GRIA2: variants seen among roughly 807,000 people sequenced by gnomAD.
GRIA2 encodes the protein glutamate ionotropic receptor AMPA type subunit 2, also known as glutamate receptor 2.
Under a neutral mutation model 97.3 loss-of-function variants are expected in GRIA2, and 14 were observed. The observed-to-expected ratio is 0.14, with a 90% confidence interval of 0.10 to 0.23. GRIA2 has a LOEUF of 0.23. GRIA2 is among the 10% of genes least tolerant of loss of function. The probability of loss-of-function intolerance (pLI) is 1.00; values close to 1 mark genes in which losing one functional copy is unlikely to be tolerated. For missense variants in GRIA2, 558 were observed against 1,069.8 expected, an observed-to-expected ratio of 0.52 and a Z score of 6.67; for synonymous variants, 412 against 387.8, an observed-to-expected ratio of 1.06 and a Z score of -0.73.
At chr4:157,301,020 A>G (rs1733592310) in intron 2 of GRIA2, among the ~76,000 whole-genome samples, 1 of 152,212 alleles carries the variant, frequency 6.6e-6, no homozygotes, top group African/African-American at 2.4e-5. Flanking sequence ...TTCACTTAAG[A>G]TGAGAAGAGG....
intron 2 of GRIA2, among the ~76,000 whole-genome samples, chr4:157,277,890 GTA>G (rs559433961): frequency 3.3e-3 from 252 of 75,310 alleles, no homozygotes; most frequent in African/African-American, 4.6e-3. Flanking sequence ...ATGTATATAT[GTA>G]TATATATATG....
intron 2 of GRIA2, among the ~76,000 whole-genome samples, chr4:157,255,972 T>A (rs995884012): frequency 1.3e-5 from 2 of 150,914 alleles, no homozygotes; most frequent in Non-Finnish European, 3.0e-5. Flanking sequence ...TTCGTACATG[T>A]AGTTTTATAT....
chr4:157,321,423 G>T lies in GRIA2; in HGVS notation c.721-15G>T. On this transcript the variant is annotated splice_polypyrimidine_tract_variant and intron_variant, in intron 5 of 15. Transcript: ENST00000264426. ...CTCAAACAAAAAGCGTGATATCAAT[G>T]TGTTCTATGTTTAGGGATTTACTGA... is the stretch of plus-strand genomic sequence containing the variant. The T allele has an allele frequency of 1.3e-6, 2 of 1,579,380 alleles. No individual in the cohort carries two copies. The highest frequency in any genetic ancestry group is 1.7e-6 in the Non-Finnish European group (2 of 1,159,292).
chr4:157,361,689 C>T lies in GRIA2; in HGVS notation c.2406+565C>T, dbSNP rs1002818033. ...CAGGTTTTATGTGAAAAAACAAAAT[C>T]AAACACAAACAGCAAAATCAAACCA... On this transcript the variant is annotated intron_variant, in intron 14 of 15. Transcript: ENST00000264426. This position sits in a 1 kb window ranked among gnomAD's most constrained non-coding sequence, Gnocchi z 5.2. 1.4e-6 allele frequency: 2 copies of T among 1,398,938 alleles called. No individual in the cohort carries two copies. Among genetic ancestry groups the T allele is most frequent in the Non-Finnish European group, 2.0e-6 (2 of 986,202 alleles). 86.7% of individuals were successfully genotyped at this position (1,398,938 alleles called of 1,614,324 possible).
chr4:157,302,289 T>A (rs1733650795), intron 2 of GRIA2, among the ~76,000 whole-genome samples: 1 of 152,092 alleles, frequency 6.6e-6, no homozygotes, highest in African/African-American at 2.4e-5. Flanking sequence ...TTGGACAAAG[T>A]AACCCTTTTT....
intron 2 of GRIA2, among the ~76,000 whole-genome samples, chr4:157,258,107 C>T (rs1049727174): frequency 2.0e-5 from 3 of 151,968 alleles, no homozygotes; most frequent in Non-Finnish European, 4.4e-5. Flanking sequence ...GTGATGATTG[C>T]GTTAACTACA....
Position 157,361,250 on chromosome 4 carries a change from C to A in GRIA2, c.2406+126C>A. 2.8e-6 allele frequency: 2 copies of A among 704,280 alleles called. No homozygotes were observed. The highest frequency in any genetic ancestry group is 1.9e-5 in the South Asian group (1 of 53,070). The allele number at this position is 704,280 out of a possible 1,614,324, so 43.6% of individuals were successfully genotyped here. A position where few individuals can be genotyped will look rare whatever the true frequency, so the allele number is the denominator to read the frequency against. On this transcript the variant is annotated intron_variant, in intron 14 of 15. Transcript: ENST00000264426. The surrounding 1 kb of genome is among the most constrained non-coding windows in gnomAD (Gnocchi z 5.2). ...TAAGCTGAAGAGTGCAATTGGATGA[C>A]CAGGACACTTGACTTCTTCTTTCTT...
At chr4:157,335,944 T>C (rs1735265218) in intron 10 of GRIA2, 67 bp downstream of exon 10, 3 of 998,752 alleles carry the variant, frequency 3.0e-6, no homozygotes, top group Non-Finnish European at 4.7e-6. Context: ...CTGCTTCCTC[T>C]CCCTGTGAAG....
chr4:157,304,545 G>T, intron 3 of GRIA2, among the ~76,000 whole-genome samples: 1 of 152,044 alleles, frequency 6.6e-6, no homozygotes, highest in Non-Finnish European at 1.5e-5. Context: ...GGTGTCAGTG[G>T]GTTTGTGTAC....
chr4:157,256,984 G>C (rs966656281), intron 2 of GRIA2, among the ~76,000 whole-genome samples: 10 of 151,920 alleles, frequency 6.6e-5, no homozygotes, highest in African/African-American at 2.4e-4. Flanking sequence ...TATTTGGAAA[G>C]CATTATTTTT....
At chr4:157,286,213 T>C (rs1478051100) in intron 2 of GRIA2, among the ~76,000 whole-genome samples, 1 of 151,574 alleles carries the variant, frequency 6.6e-6, no homozygotes, top group Non-Finnish European at 1.5e-5. Flanking sequence ...CCCAAAGTCA[T>C]ACAGCTGTTA....
rs1735541959 is a variant in GRIA2, at chr4:157,341,429, A to G, written c.2010A>G (p.Thr670=). ...LSKQTEIAYG[T]LDSGSTKEFF... ...AGCAAACAGAAATTGCTTATGGAACATTAGACTCTGGCTCCACTAAAGAGT... is the reference window on the plus strand; with the variant it reads ...AGCAAACAGAAATTGCTTATGGAACGTTAGACTCTGGCTCCACTAAAGAGT... The change falls in exon 12 of 16, where the codon ACA becomes ACG. Residue 670 remains threonine, a synonymous_variant. Transcript: ENST00000264426. The G allele has an allele frequency of 3.1e-6, 5 of 1,612,072 alleles. No individual in the cohort carries two copies. The highest frequency in any genetic ancestry group is 1.1e-5 in the South Asian group (1 of 91,060).
At chr4:157,337,901 A>G (rs1735359260) in intron 11 of GRIA2, among the ~76,000 whole-genome samples, 1 of 150,306 alleles carries the variant, frequency 6.7e-6, no homozygotes, top group African/African-American at 2.4e-5. Flanking sequence ...CAGATTTTAA[A>G]AATTTCAGTT....
chr4:157,287,549 T>C (rs1485824480), intron 2 of GRIA2, among the ~76,000 whole-genome samples: 1 of 151,734 alleles, frequency 6.6e-6, no homozygotes, highest in African/African-American at 2.4e-5. Flanking sequence ...TGCTTAGTGA[T>C]TAGAGTTAAA....
At chr4:157,296,610 C>G (rs1378874823) in intron 2 of GRIA2, among the ~76,000 whole-genome samples, 1 of 151,784 alleles carries the variant, frequency 6.6e-6, no homozygotes, top group Non-Finnish European at 1.5e-5. Context: ...ATTAATAGCC[C>G]CATTCAATAG....
chr4:157,350,349 C>T (rs957193728), intron 12 of GRIA2, among the ~76,000 whole-genome samples: 1 of 152,008 alleles, frequency 6.6e-6, no homozygotes, highest in African/African-American at 2.4e-5. Context: ...CCATGTTAGT[C>T]TTACAGTGCG....
At chr4:157,342,124 A>G (rs1192436574) in intron 12 of GRIA2, 1 of 974,128 alleles carries the variant, frequency 1.0e-6, no homozygotes, top group Non-Finnish European at 1.2e-6. Context: ...TGTATAAAAC[A>G]ACTCTTTCTA....
At chr4:157,306,282 T>C (rs1315103515) in intron 3 of GRIA2, among the ~76,000 whole-genome samples, 4 of 152,036 alleles carry the variant, frequency 2.6e-5, no homozygotes, top group Non-Finnish European at 5.9e-5. Context: ...GAAACTCTAG[T>C]GTGTGAGGAG....
intron 2 of GRIA2, among the ~76,000 whole-genome samples, chr4:157,226,736 T>G (rs914570916): frequency 8.5e-5 from 13 of 152,082 alleles, no homozygotes; most frequent in Non-Finnish European, 1.9e-4. Context: ...TTTGTCATGT[T>G]TGTTGAGGTA....
Sources: gnomAD v4.1 joint callset for allele counts (sites outside exome capture counted in the v4.1 genomes callset) on GRCh38, gnomAD v4.1.1 for gene constraint, Gnocchi (gnomAD v3.1) non-coding constraint, MANE v1.5 for transcripts, NCBI Gene and HGNC (gene_info 2026-07-23, HGNC 2026-07-21) for gene names.